The following NPLOC4 variants were observed in gnomAD, a reference collection of about 807,000 sequenced individuals.
NPLOC4 encodes nuclear protein localization protein 4 homolog.
A neutral mutation model predicts 80.6 loss-of-function variants in NPLOC4; 18 were observed. That is an observed-to-expected ratio of 0.22 (90% CI 0.15 to 0.33). The LOEUF (loss-of-function observed/expected upper bound fraction) is 0.33, where lower values mean the gene tolerates loss of function less well. Ranked by LOEUF, NPLOC4 falls within the 10% of genes least tolerant of loss-of-function variation. The pLI is 1.00. For synonymous variants in NPLOC4, 313 were observed against 301.5 expected (o/e 1.04, Z -0.39); for missense variants, 540 against 786.1 (o/e 0.69, Z 3.74).
At chr17:81,594,297 A>C (rs910826350) in intron 11 of NPLOC4, among the ~76,000 whole-genome samples, 1 of 144,472 alleles carries the variant, frequency 6.9e-6, no homozygotes, top group Non-Finnish European at 1.6e-5. Context: ...AAAAAAAAAA[A>C]AAAAAAACTG....
At chr17:81,621,645 C>T (rs1373859264) in intron 3 of NPLOC4, among the ~76,000 whole-genome samples, 1 of 152,216 alleles carries the variant, frequency 6.6e-6, no homozygotes, top group Non-Finnish European at 1.5e-5. Context: ...GCCCTTGTAA[C>T]ATGAAAACTG....
chr17:81,613,169 C>T, intron 4 of NPLOC4, 149 bp downstream of exon 4: 1 of 551,604 alleles, frequency 1.8e-6, no homozygotes, highest in Non-Finnish European at 2.8e-6. Context: ...AACAAGATAA[C>T]TTGAAGTTTA....
At chr17:81,617,196 G>A (rs1210415262) in intron 3 of NPLOC4, among the ~76,000 whole-genome samples, 1 of 152,196 alleles carries the variant, frequency 6.6e-6, no homozygotes, top group Admixed American at 6.5e-5. Flanking sequence ...GAAACTAGGA[G>A]AAACCAGGAG....
At chr17:81,590,501 T>A (rs2034710408) in intron 11 of NPLOC4, among the ~76,000 whole-genome samples, 1 of 152,152 alleles carries the variant, frequency 6.6e-6, no homozygotes, top group South Asian at 2.1e-4. Context: ...ACAATCTCAT[T>A]ATTTTTTAGG....
Position 81,572,020 on chromosome 17 carries a change from T to A in NPLOC4, c.1350A>T (p.Ile450=), listed in dbSNP as rs1345147371. The A allele has an allele frequency of 6.2e-7, 1 of 1,600,716 alleles. No individual in the cohort carries two copies. Among genetic ancestry groups the A allele is most frequent in the East Asian group, 2.2e-5 (1 of 44,630 alleles). ...ARPLPVEYLI[I]DITTTFPKDP... The stretch of plus-strand genomic sequence containing the variant: ...GCTGTGCATGGGGGGCACTTACGTC[T>A]ATGATGAGATACTCCACAGGCAGGG... The change falls in exon 13 of 17, where the codon ATA becomes ATT. Residue 450 remains isoleucine, a synonymous_variant. Transcript: ENST00000331134. The surrounding 1 kb of genome is among the most constrained non-coding windows in gnomAD (Gnocchi z 4.5).
At chr17:81,609,327 G>A (rs148706946) in intron 5 of NPLOC4, among the ~76,000 whole-genome samples, 3 of 152,128 alleles carry the variant, frequency 2.0e-5, no homozygotes, top group Non-Finnish European at 4.4e-5. Flanking sequence ...CAATTTAACT[G>A]TTTTAGAGAT....
At chr17:81,635,313 T>C (rs1173745401) in intron 1 of NPLOC4, among the ~76,000 whole-genome samples, 1 of 141,908 alleles carries the variant, frequency 7.0e-6, no homozygotes, top group Admixed American at 7.6e-5. Context: ...AACTCCAGCC[T>C]GGGCGACAGA....
chr17:81,587,114 A>C (rs1279207354), intron 12 of NPLOC4, among the ~76,000 whole-genome samples: 1 of 152,234 alleles, frequency 6.6e-6, no homozygotes, highest in Non-Finnish European at 1.5e-5. Context: ...AATTAGAAAA[A>C]AAATCAATCA....
chr17:81,620,347 T>A (rs1748912244), intron 3 of NPLOC4, among the ~76,000 whole-genome samples: 1 of 151,900 alleles, frequency 6.6e-6, no homozygotes, highest in Non-Finnish European at 1.5e-5. Flanking sequence ...AATAAAAAAA[T>A]TAGCCAGGCA....
At chr17:81,581,170 C>T (rs1429181933) in intron 12 of NPLOC4, among the ~76,000 whole-genome samples, 9 of 151,782 alleles carry the variant, frequency 5.9e-5, no homozygotes, top group South Asian at 2.1e-4. Flanking sequence ...GCCAACATGG[C>T]GAAACCCTGT....
Position 81,572,535 on chromosome 17 carries a change from G to A in NPLOC4, c.1282-447C>T, listed in dbSNP as rs72855653. On this transcript the variant is annotated intron_variant, in intron 12 of 16. Transcript: ENST00000331134. This position sits in a 1 kb window ranked among gnomAD's most constrained non-coding sequence, Gnocchi z 4.5. ...CAAATCTTATTGAAGTGTATGGATA[G>A]CAGAAAGGAAAACGTGCATATTTTT... Among the ~76,000 whole-genome samples, 398 of 152,322 alleles carry A rather than the reference G, an allele frequency of 2.6e-3. 1 individual carries two copies. The highest frequency in any genetic ancestry group is 4.0e-3 in the Non-Finnish European group (273 of 68,028).
At chr17:81,573,600 T>TA (rs897622965) in intron 12 of NPLOC4, 3 of 152,208 alleles carry the variant, frequency 2.0e-5, no homozygotes, top group South Asian at 2.1e-4. Context: ...TGACTAGTCT[T>TA]AAAAAATAAT....
At chr17:81,610,113 T>C (rs1261660318) in intron 5 of NPLOC4, 97 bp downstream of exon 5, 8 of 1,119,652 alleles carry the variant, frequency 7.1e-6, no homozygotes, top group Non-Finnish European at 1.1e-5. Context: ...AACCACTCAC[T>C]ACAGCCAAGT....
At chr17:81,628,884 C>CT (rs34905643) in intron 2 of NPLOC4, among the ~76,000 whole-genome samples, 18,677 of 145,246 alleles carry the variant, frequency 0.13, 1,387 homozygotes, top group African/African-American at 0.19. Context: ...ACAATTCATA[C>CT]TTTTTTTTTT....
In NPLOC4 at chr17:81,558,081, G is replaced by C. The variant is rs971381488; in HGVS notation, c.*1178C>G. ...GCATCGAGATGCCCACCACTCCCCG[G>C]GTAAGAGCCATGCCCCGGCCTGGCC... On this transcript the variant is annotated 3_prime_UTR_variant, in exon 17 of 17. Transcript: ENST00000331134. 6.6e-6 allele frequency: 1 copy of C among 152,342 alleles called. No homozygotes were observed. Among genetic ancestry groups the C allele is most frequent in the Non-Finnish European group, 1.5e-5 (1 of 68,154 alleles). 9.4% of individuals were successfully genotyped at this position (152,342 alleles called of 1,614,324 possible).
chr17:81,632,934 T>C (rs2035968867), intron 1 of NPLOC4, among the ~76,000 whole-genome samples: 1 of 152,000 alleles, frequency 6.6e-6, no homozygotes, highest in African/African-American at 2.4e-5. Flanking sequence ...ATTGAGACCA[T>C]CCTGGCTAAC....
intron 14 of NPLOC4, among the ~76,000 whole-genome samples, chr17:81,568,580 C>G (rs1333467981): frequency 6.6e-6 from 1 of 152,232 alleles, no homozygotes; most frequent in African/African-American, 2.4e-5. Flanking sequence ...CCAGTGAGAG[C>G]AGAGGCCAAC....
intron 13 of NPLOC4, 26 bp downstream of exon 13, chr17:81,571,991 C>T (rs921216021): frequency 6.4e-7 from 1 of 1,572,530 alleles, no homozygotes; most frequent in Non-Finnish European, 8.7e-7. Flanking sequence ...GTCCACCTGC[C>T]CAAGCTGTGC....
intron 14 of NPLOC4, 47 bp downstream of exon 14, chr17:81,568,969 C>T (rs747469570): frequency 8.6e-7 from 1 of 1,163,746 alleles, no homozygotes; most frequent in Non-Finnish European, 1.3e-6. Context: ...CACTAGATAA[C>T]AATCAGCAGT....
Sources: allele counts gnomAD v4.1 joint callset (sites outside exome capture counted in the v4.1 genomes callset), GRCh38; gene constraint gnomAD v4.1.1; non-coding constraint Gnocchi (gnomAD v3.1); transcripts MANE v1.5; gene names NCBI Gene and HGNC (gene_info 2026-07-23, HGNC 2026-07-21).